The following USP24 variants were observed in gnomAD, a reference collection of about 807,000 sequenced individuals.
USP24 encodes ubiquitin specific peptidase 24.
Under a neutral mutation model 361.6 loss-of-function variants are expected in USP24, and 97 were observed. That is an observed-to-expected ratio of 0.27 (90% CI 0.23 to 0.32). USP24 has a LOEUF of 0.32. USP24 is among the 10% of genes least tolerant of loss of function. The pLI is 1.00. For missense variants in USP24, 2,353 were observed against 3,165.6 expected (o/e 0.74, Z 6.16); for synonymous variants, 1,098 against 1,124.6 (o/e 0.98, Z 0.47).
chr1:55,154,353 T>A lies in USP24; in HGVS notation c.1650+18A>T, dbSNP rs1181446341. 1.3e-6 allele frequency: 2 copies of A among 1,553,590 alleles called. No individual in the cohort carries two copies. Among genetic ancestry groups the A allele is most frequent in the Non-Finnish European group, 1.7e-6 (2 of 1,148,102 alleles). On this transcript the variant is annotated intron_variant, in intron 14 of 67. Transcript: ENST00000294383. ...CTTTGAGCATTTGTAGCTAGAAAAA[T>A]CCATTTGATTCTCCTGCCTTTCCAG... is the stretch of plus-strand genomic sequence containing the variant.
chr1:55,138,547 A>G lies in USP24; in HGVS notation c.2928+61T>C. The G allele has an allele frequency of 4.0e-6, 5 of 1,248,364 alleles. No homozygotes were observed. In the South Asian group the frequency reaches 6.9e-5, roughly 17 times the overall value. 77.3% of individuals were successfully genotyped at this position (1,248,364 alleles called of 1,614,324 possible). On this transcript the variant is annotated intron_variant, in intron 26 of 67. Transcript: ENST00000294383. Reference sequence around the variant, plus strand: ...TATTCATGCAGCTAACTCAATCAAGACTGCTTTATGAAAATAATAAGACAA... The same window carrying G: ...TATTCATGCAGCTAACTCAATCAAGGCTGCTTTATGAAAATAATAAGACAA...
chr1:55,094,125 G>C, intron 51 of USP24, 38 bp from the exon 52 acceptor site: 1 of 1,568,782 alleles, frequency 6.4e-7, no homozygotes, highest in Non-Finnish European at 8.6e-7. Flanking sequence ...CTAGTATAAA[G>C]TGGCTATTTT....
At chr1:55,175,388 A>G (rs186818813) in intron 3 of USP24, among the ~76,000 whole-genome samples, 204 of 151,904 alleles carry the variant, frequency 1.3e-3, no homozygotes, top group African/African-American at 4.4e-3. Flanking sequence ...CACCAGGCCC[A>G]GCTAATTTTT....
In USP24 at chr1:55,184,659, C is replaced by T. The variant is rs563325372; in HGVS notation, c.325-6527G>A. ...TCTCCTCAAGTGCGCATGAAATATT[C>T]TCCAAGATAGAGCATATGTTAGGTT... On this transcript the variant is annotated intron_variant, in intron 1 of 67. Coordinates refer to ENST00000294383, the MANE Select transcript of USP24 (RefSeq NM_015306.3). Among the ~76,000 whole-genome samples the T allele has an allele frequency of 2.3e-4, 35 of 152,174 alleles. 1 individual carries two copies. The highest frequency in any genetic ancestry group is 4.6e-4 in the Non-Finnish European group (31 of 68,044).
Position 55,132,573 on chromosome 1 carries a change from G to C in USP24, c.3509C>G (p.Ser1170Cys), listed in dbSNP as rs1184167450. The change falls in exon 31 of 68, where the codon TCT becomes TGT. Residue 1170 changes from serine (S) to cysteine (C), a missense_variant. Physicochemically the swap from Ser to Cys is moderately radical, Grantham distance 112. Around this residue, in one of 8 missense-constraint regions of USP24, gnomAD observed 949 missense variants for 1,280.5 expected, o/e 0.74. Transcript: ENST00000294383. Reference protein sequence around the residue: ...SLFRSFAPGMSTFRVLYNLEV... With the variant: ...SLFRSFAPGMCTFRVLYNLEV... ...TAAGTTGTAGAGCACTCTGAAGGTA[G>C]ACATTCCCGGGGCAAAAGATCGAAA... 1 of 1,613,682 alleles carries C rather than the reference G, an allele frequency of 6.2e-7. No individual in the cohort carries two copies. Among genetic ancestry groups the C allele is most frequent in the Admixed American group, 1.7e-5 (1 of 59,992 alleles).
intron 16 of USP24, among the ~76,000 whole-genome samples, chr1:55,152,531 G>T (rs1329395537): frequency 6.6e-6 from 1 of 152,036 alleles, no homozygotes; most frequent in Non-Finnish European, 1.5e-5. Flanking sequence ...ATTTTTCTAT[G>T]GACACCCTTT....
At chr1:55,112,857 A>G (rs1429999684) in intron 38 of USP24, among the ~76,000 whole-genome samples, 1 of 152,210 alleles carries the variant, frequency 6.6e-6, no homozygotes, top group African/African-American at 2.4e-5. Context: ...TAATATTGAC[A>G]GCGGAGTGTT....
chr1:55,183,992 G>T (rs1644052601), intron 1 of USP24, among the ~76,000 whole-genome samples: 1 of 151,962 alleles, frequency 6.6e-6, no homozygotes, highest in African/African-American at 2.4e-5. Context: ...CAATAACATT[G>T]GGGGGGAAAA....
intron 20 of USP24, among the ~76,000 whole-genome samples, chr1:55,144,833 C>T (rs943340941): frequency 2.0e-5 from 3 of 152,114 alleles, no homozygotes; most frequent in Non-Finnish European, 4.4e-5. Flanking sequence ...ACTCGGGAAG[C>T]TGAGGCAGGA....
chr1:55,163,621 T>C (rs913200849), intron 7 of USP24, among the ~76,000 whole-genome samples: 1 of 152,072 alleles, frequency 6.6e-6, no homozygotes, highest in Non-Finnish European at 1.5e-5. Context: ...GAGACTATTA[T>C]GAAATGGGTT....
intron 1 of USP24, among the ~76,000 whole-genome samples, chr1:55,197,651 G>A (rs1043492054): frequency 1.3e-5 from 2 of 152,174 alleles, no homozygotes; most frequent in African/African-American, 4.8e-5. Context: ...ATAAGAGTGT[G>A]TTACTCAATG....
In USP24 at chr1:55,182,202, C is replaced by T. The variant is rs1395733230; in HGVS notation, c.325-4070G>A. Reference sequence around the variant, plus strand: ...AAGTAGCTGGGACTATAGGCATGTGCCACCACGCCCGGCTAATTTTTGTAT... The same window carrying T: ...AAGTAGCTGGGACTATAGGCATGTGTCACCACGCCCGGCTAATTTTTGTAT... On this transcript the variant is annotated intron_variant, in intron 1 of 67. Transcript: ENST00000294383. Among the ~76,000 whole-genome samples the T allele has an allele frequency of 2.0e-5, 3 of 152,208 alleles. 1 individual carries two copies. The highest frequency in any genetic ancestry group is 7.2e-5 in the African/African-American group (3 of 41,458).
In USP24 at chr1:55,195,119, C is replaced by G. The variant is rs191514439; in HGVS notation, c.325-16987G>C. 2.0e-4 allele frequency among the ~76,000 whole-genome samples: 31 copies of G among 152,344 alleles called. No homozygotes were observed. In the East Asian group the frequency reaches 5.2e-3, roughly 26 times the overall value. On this transcript the variant is annotated intron_variant, in intron 1 of 67. Coordinates refer to ENST00000294383, the MANE Select transcript of USP24 (RefSeq NM_015306.3). The stretch of plus-strand genomic sequence containing the variant: ...CTCAGAAAGCTCCATTTGCTCCCAG[C>G]TGCCTAAAGGTGCCTAGAAAGTAAA...
chr1:55,087,031 T>G (rs1272926170), intron 55 of USP24, among the ~76,000 whole-genome samples: 1 of 152,228 alleles, frequency 6.6e-6, no homozygotes, highest in Non-Finnish European at 1.5e-5. Flanking sequence ...TATAATTATG[T>G]TTAAAGAATT....
chr1:55,070,629 G>C (rs144452445), intron 67 of USP24, among the ~76,000 whole-genome samples: 81 of 152,304 alleles, frequency 5.3e-4, no homozygotes, highest in Middle Eastern at 6.8e-3. Context: ...GGAAAGTTAA[G>C]TTTAGAGAAT....
At chr1:55,189,928 G>A (rs185906582) in intron 1 of USP24, among the ~76,000 whole-genome samples, 2 of 152,108 alleles carry the variant, frequency 1.3e-5, no homozygotes, top group Admixed American at 6.5e-5. Context: ...AGCACTTTGG[G>A]AGGCTGAGGG....
rs546412959 is a variant in USP24, at chr1:55,191,549, G to A, written c.325-13417C>T. Among the ~76,000 whole-genome samples, 5 of 148,034 alleles carry A rather than the reference G, an allele frequency of 3.4e-5. No individual in the cohort carries two copies. In the East Asian group the frequency reaches 8.0e-4, roughly 24 times the overall value. The stretch of plus-strand genomic sequence containing the variant: ...TCTGTCACCCACACTGGAGTGCAGT[G>A]GCACGGTCTTGACTCACTGCAACCT... On this transcript the variant is annotated intron_variant, in intron 1 of 67. Transcript: ENST00000294383.
chr1:55,166,315 G>A (rs909075413), intron 6 of USP24, among the ~76,000 whole-genome samples: 7 of 151,900 alleles, frequency 4.6e-5, no homozygotes, highest in African/African-American at 1.7e-4. Flanking sequence ...CGTAACATTG[G>A]TCTTGAGAGA....
intron 38 of USP24, among the ~76,000 whole-genome samples, chr1:55,113,920 G>T (rs981244845): frequency 6.6e-6 from 1 of 152,122 alleles, no homozygotes; most frequent in Non-Finnish European, 1.5e-5. Context: ...GGGCAATCAG[G>T]CAAGAGAAAG....
Sources: gnomAD v4.1 joint callset for allele counts (sites outside exome capture counted in the v4.1 genomes callset) on GRCh38, gnomAD v4.1.1 for gene constraint, gnomAD v4.1.1 regional missense constraint, MANE v1.5 for transcripts, NCBI Gene and HGNC (gene_info 2026-07-23, HGNC 2026-07-21) for gene names.